Variants in ADNP2 observed in about 807,000 individuals in gnomAD.
ADNP2 encodes ADNP homeobox 2, also known as activity-dependent neuroprotector homeobox protein 2.
Under a neutral mutation model 16.4 loss-of-function variants are expected in ADNP2, and 8 were observed. The observed-to-expected ratio is 0.49, with a 90% CI of 0.29 to 0.88. The LOEUF (loss-of-function observed/expected upper bound fraction) is 0.88, where lower values mean the gene tolerates loss of function less well. Among genes scored for constraint, ADNP2 ranks in the 40% least tolerant of loss-of-function variants. The pLI is 0.09. For missense variants in ADNP2, 1,397 were observed against 1,395.1 expected, an observed-to-expected ratio of 1.00 and a Z score of -0.02; for synonymous variants, 637 against 545.8, an observed-to-expected ratio of 1.17 and a Z score of -2.33.
rs776224279 is a variant in ADNP2, at chr18:80,136,237, CT to C, written c.825del (p.Ala276HisfsTer34). The C allele has an allele frequency of 6.2e-7, 1 of 1,614,246 alleles. No individual in the cohort carries two copies. Among genetic ancestry groups the C allele is most frequent in the Admixed American group, 1.7e-5 (1 of 60,032 alleles). On this transcript the variant is annotated frameshift_variant, in exon 4 of 4. Coordinates refer to ENST00000262198, the MANE Select transcript of ADNP2 (RefSeq NM_014913.4). LOFTEE classifies it low-confidence loss of function (END_TRUNC). ...HIAPKPAAHL[A>X]APANGSAPSA... ...GCTCCAAAACCAGCAGCACATTTGG[CT>C]GCACCAGCAAATGGCAGTGCTCCAA...
rs2052563766 is a variant in ADNP2 at position 80,139,000 on chromosome 18, T to C, written c.*191T>C. The C allele has an allele frequency of 2.2e-6, 1 of 458,850 alleles. No individual in the cohort carries two copies. Among genetic ancestry groups the C allele is most frequent in the Non-Finnish European group, 3.7e-6 (1 of 270,636 alleles). 28.4% of individuals were successfully genotyped at this position (458,850 alleles called of 1,614,324 possible). ...CAGTAGTTATTTCACATCTATTGTTTCCTGCAGTTTGATTTGTAACAGAAC... is the reference window on the plus strand; with the variant it reads ...CAGTAGTTATTTCACATCTATTGTTCCCTGCAGTTTGATTTGTAACAGAAC... On this transcript the variant is annotated 3_prime_UTR_variant, in exon 4 of 4. Coordinates refer to ENST00000262198, the MANE Select transcript of ADNP2 (RefSeq NM_014913.4).
chr18:80,117,130 G>GT (rs1199427237), intron 1 of ADNP2, among the ~76,000 whole-genome samples: 5 of 152,108 alleles, frequency 3.3e-5, no homozygotes, highest in African/African-American at 9.7e-5. Context: ...CGTTTTGTGG[G>GT]TTTTTTGCTT....
chr18:80,129,622 C>T (rs2052483433), intron 2 of ADNP2, among the ~76,000 whole-genome samples: 1 of 151,058 alleles, frequency 6.6e-6, no homozygotes, highest in African/African-American at 2.5e-5. Flanking sequence ...AGAAGTTCTA[C>T]TGAAAGGCCC....
chr18:80,116,681 G>C (rs2052391709), intron 1 of ADNP2, among the ~76,000 whole-genome samples: 1 of 152,152 alleles, frequency 6.6e-6, no homozygotes, highest in Admixed American at 6.5e-5. Context: ...CTGTTGCTCA[G>C]GCTGGAATAT....
At chr18:80,114,595 A>G (rs375777737) in intron 1 of ADNP2, among the ~76,000 whole-genome samples, 5 of 152,362 alleles carry the variant, frequency 3.3e-5, no homozygotes, top group African/African-American at 1.2e-4. Flanking sequence ...AAAACCATCA[A>G]AATCAGGAAA....
At chr18:80,131,847 C>T (rs34541782) in intron 2 of ADNP2, among the ~76,000 whole-genome samples, 3 of 123,584 alleles carry the variant, frequency 2.4e-5, no homozygotes, top group Non-Finnish European at 3.3e-5. Context: ...TCGGGCCTGT[C>T]ATGGGGTGGG....
At position 80,138,834 on chromosome 18, in the gene ADNP2, ACTCT is replaced by A; in HGVS notation, c.*26_*29del. Reference sequence around the variant, plus strand: ...AAACTTGCAAAAAAAAAAAAAAGTAACTCTAAAGTAGTAGGTAGATTTTTTTCAG... The same window carrying A: ...AAACTTGCAAAAAAAAAAAAAAGTAAAAAGTAGTAGGTAGATTTTTTTCAG... On this transcript the variant is annotated 3_prime_UTR_variant, in exon 4 of 4. Transcript: ENST00000262198. The A allele has an allele frequency of 7.0e-7, 1 of 1,435,044 alleles. No individual in the cohort carries two copies. Among genetic ancestry groups the A allele is most frequent in the Non-Finnish European group, 9.2e-7 (1 of 1,085,340 alleles). 88.9% of individuals were successfully genotyped at this position (1,435,044 alleles called of 1,614,324 possible). A position where few individuals can be genotyped will look rare whatever the true frequency, so the allele number is the denominator to read the frequency against.
In ADNP2 at chr18:80,133,834, AT is replaced by A. The variant is rs746819845; in HGVS notation, c.198+656del. 3.7e-3 allele frequency: 533 copies of A among 144,542 alleles called. 3 individuals carry two copies. The highest frequency in any genetic ancestry group is 6.9e-3 in the Middle Eastern group (2 of 288). The allele number at this position is 144,542 out of a possible 1,614,324, so 9.0% of individuals were successfully genotyped here. On this transcript the variant is annotated intron_variant, in intron 3 of 3. Coordinates refer to ENST00000262198, the MANE Select transcript of ADNP2 (RefSeq NM_014913.4). Reference sequence around the variant, plus strand: ...ATTTCAGTAATTAGTCGTTGTCAGAATTTTTTTTTTTTTTGGGGGGACAGGG... The same window carrying A: ...ATTTCAGTAATTAGTCGTTGTCAGAATTTTTTTTTTTTTGGGGGGACAGGG...
At chr18:80,116,283 C>T (rs1035396296) in intron 1 of ADNP2, among the ~76,000 whole-genome samples, 1 of 152,182 alleles carries the variant, frequency 6.6e-6, no homozygotes, top group African/African-American at 2.4e-5. Context: ...TTATCAAATG[C>T]CCCAATGCAG....
chr18:80,131,305 T>G (rs1031760222), intron 2 of ADNP2, among the ~76,000 whole-genome samples: 1 of 152,182 alleles, frequency 6.6e-6, no homozygotes, highest in African/African-American at 2.4e-5. Flanking sequence ...TTCAGCTGAT[T>G]GTGAGGTTTT....
chr18:80,118,666 T>C (rs1339561164), intron 2 of ADNP2, among the ~76,000 whole-genome samples: 1 of 152,158 alleles, frequency 6.6e-6, no homozygotes, highest in African/African-American at 2.4e-5. Context: ...ACAACAAAAG[T>C]TTTTCATCCT....
At chr18:80,123,865 G>A (rs1203557870) in intron 2 of ADNP2, among the ~76,000 whole-genome samples, 2 of 152,138 alleles carry the variant, frequency 1.3e-5, no homozygotes, top group Non-Finnish European at 2.9e-5. Context: ...GAGTAGCTGG[G>A]ATTACAGGCG....
chr18:80,110,470 G>A (rs1439456596), intron 1 of ADNP2, among the ~76,000 whole-genome samples: 2 of 152,100 alleles, frequency 1.3e-5, no homozygotes, highest in East Asian at 3.9e-4. Flanking sequence ...AATGCAGATT[G>A]GCAAGTGGGG....
rs376515362 is a variant in ADNP2 at position 80,137,350 on chromosome 18, C to T, written c.1937C>T (p.Ser646Leu). 3.8e-5 allele frequency: 62 copies of T among 1,614,056 alleles called. 1 individual carries two copies. Among genetic ancestry groups the T allele is most frequent in the South Asian group, 1.4e-4 (13 of 91,090 alleles). ...PPQMPIQLLP[S>L]GAAAPMAGSM... Reference sequence around the variant, plus strand: ...CAGATGCCCATCCAGCTCCTGCCGTCAGGTGCAGCTGCACCAATGGCCGGT... The same window carrying T: ...CAGATGCCCATCCAGCTCCTGCCGTTAGGTGCAGCTGCACCAATGGCCGGT... The change falls in exon 4 of 4, where the codon TCA becomes TTA. Residue 646 changes from serine (S) to leucine (L), a missense_variant. By Grantham distance (145) the Ser-to-Leu change is moderately radical (BLOSUM62 -2). This residue lies in a region of ADNP2 where 611 missense variants were observed against 648.7 expected (regional missense o/e 0.94). Transcript: ENST00000262198. This position sits in a 1 kb window ranked among gnomAD's most constrained non-coding sequence, Gnocchi z 4.2.
chr18:80,127,446 T>G (rs2052467558), intron 2 of ADNP2, among the ~76,000 whole-genome samples: 1 of 151,436 alleles, frequency 6.6e-6, no homozygotes, highest in Non-Finnish European at 1.5e-5. Flanking sequence ...TAATCTGCTC[T>G]TAATCCCATG....
chr18:80,138,066 G>C lies in ADNP2; in HGVS notation c.2653G>C (p.Val885Leu). ...STCPFCFGPF[V>L]TTEAYELHLK... ...CTGCCCCTTTTGCTTTGGCCCCTTT[G>C]TGACAACTGAGGCCTATGAGCTGCA... The change falls in exon 4 of 4, where the codon GTG (valine) becomes CTG (leucine). Residue 885 changes from valine (V) to leucine (L), a missense_variant. Val to Leu is a conservative substitution (Grantham distance 32, BLOSUM62 1). This residue lies in a region of ADNP2 where 611 missense variants were observed against 648.7 expected (regional missense o/e 0.94). Transcript: ENST00000262198. 1 of 1,613,824 alleles carries C rather than the reference G, an allele frequency of 6.2e-7. No individual in the cohort carries two copies. The highest frequency in any genetic ancestry group is 1.1e-5 in the South Asian group (1 of 91,080).
intron 1 of ADNP2, among the ~76,000 whole-genome samples, chr18:80,112,127 C>A (rs1186914134): frequency 1.3e-5 from 2 of 152,072 alleles, no homozygotes; most frequent in African/African-American, 4.8e-5. Flanking sequence ...TTTTACTGAG[C>A]TCTAAGATTC....
chr18:80,136,125 G>A lies in ADNP2; in HGVS notation c.712G>A (p.Asp238Asn). 3.7e-6 allele frequency: 6 copies of A among 1,614,202 alleles called. No individual in the cohort carries two copies. Among genetic ancestry groups the A allele is most frequent in the Non-Finnish European group, 4.2e-6 (5 of 1,180,008 alleles). ...GTTAATGTATCACATTTTGACATCA[G>A]ACATACACAGAGATTTGGAGAATAA... The part of the protein sequence containing the change: ...DALMYHILTS[D>N]IHRDLENKLR... The change falls in exon 4 of 4, where the codon GAC becomes AAC. Residue 238 changes from aspartate to asparagine, a missense_variant. By Grantham distance (23) the Asp-to-Asn change is conservative (BLOSUM62 1). This residue lies in a region of ADNP2 where 777 missense variants were observed against 719.4 expected (regional missense o/e 1.08). Coordinates refer to ENST00000262198, the MANE Select transcript of ADNP2 (RefSeq NM_014913.4).
chr18:80,138,110 C>T lies in ADNP2; in HGVS notation c.2697C>T (p.His899=). 6.2e-7 allele frequency: 1 copy of T among 1,614,038 alleles called. No individual in the cohort carries two copies. Among genetic ancestry groups the T allele is most frequent in the South Asian group, 1.1e-5 (1 of 91,086 alleles). The change falls in exon 4 of 4, where the codon CAC becomes CAT. Residue 899 remains histidine, a synonymous_variant. Transcript: ENST00000262198. ...AGCTGCATTTGAAGGAGAGGCACCACATCATGCCCACAGTCCACACGGTCC... is the reference window on the plus strand; with the variant it reads ...AGCTGCATTTGAAGGAGAGGCACCATATCATGCCCACAGTCCACACGGTCC... The part of the protein sequence containing the change: ...AYELHLKERH[H]IMPTVHTVLK...
Sources: allele counts gnomAD v4.1 joint callset (sites outside exome capture counted in the v4.1 genomes callset), GRCh38; gene constraint gnomAD v4.1.1; regional missense constraint gnomAD v4.1.1; non-coding constraint Gnocchi (gnomAD v3.1); transcripts MANE v1.5; gene names NCBI Gene and HGNC (gene_info 2026-07-23, HGNC 2026-07-21).